NPHP4: variants seen among roughly 807,000 people sequenced by gnomAD.
NPHP4 encodes nephrocystin 4.
NPHP4 carries 151 observed loss-of-function variants against 155.8 expected under a neutral mutation model. The observed-to-expected ratio is 0.97, with a 90% confidence interval of 0.85 to 1.11. The LOEUF is 1.11. Among genes scored for constraint, NPHP4 ranks in the 50% least tolerant of loss-of-function variants. NPHP4 has a pLI of 0.00. For missense variants in NPHP4, 1,956 were observed against 1,925.7 expected (o/e 1.02, Z -0.29); for synonymous variants, 845 against 816.8 (o/e 1.03, Z -0.59).
intron 6 of NPHP4, among the ~76,000 whole-genome samples, chr1:5,953,439 C>T (rs1260874421): frequency 2.0e-5 from 3 of 152,156 alleles, no homozygotes; most frequent in African/African-American, 7.2e-5. Flanking sequence ...ACTCAAAGAA[C>T]ACAGATTGGA....
rs1647209300 is a variant in NPHP4, at chr1:5,948,085, G to A, written c.977C>T (p.Ser326Phe). The change falls in exon 8 of 30, where the codon TCC becomes TTC. Residue 326 changes from serine to phenylalanine, a missense_variant. Physicochemically the swap from Ser to Phe is radical, Grantham distance 155. Transcript: ENST00000378156. ...GAGACAATACCTGGTCTTGGAAGAG[G>A]AGACCACTTTCCTGCTGAAGCTAGC... ...RSASFSRKVV[S>F]SSKTSSGSQA... 6.2e-7 allele frequency: 1 copy of A among 1,613,614 alleles called. No homozygotes were observed. Among genetic ancestry groups the A allele is most frequent in the Non-Finnish European group, 8.5e-7 (1 of 1,179,632 alleles).
intron 16 of NPHP4, among the ~76,000 whole-genome samples, chr1:5,894,049 C>T (rs1437063826): frequency 1.3e-5 from 2 of 152,176 alleles, no homozygotes; most frequent in East Asian, 1.9e-4. Flanking sequence ...TAATGATACT[C>T]ATATATAAAC....
At position 5,933,253 on chromosome 1, in the gene NPHP4, T is replaced by C. The variant is rs117898549; in HGVS notation, c.1196A>G (p.Glu399Gly). The C allele has an allele frequency of 2.6e-4, 414 of 1,613,844 alleles. 4 individuals carry two copies. In the East Asian group the frequency reaches 7.5e-3, roughly 29 times the overall value. ...VRWAVWNPLL[E>G]ADSGRVTLPL... The stretch of plus-strand genomic sequence containing the variant: ...CAGGGTCACCCTTCCAGAATCAGCT[T>C]CCAGCAAGGGGTTCCAAACAGCCCA... Residue 399 changes from glutamate to glycine, a missense_variant, in exon 10 of 30, where the codon GAA becomes GGA. Physicochemically the swap from Glu to Gly is moderately conservative, Grantham distance 98 (BLOSUM62 -2). Coordinates refer to ENST00000378156, the MANE Select transcript of NPHP4 (RefSeq NM_015102.5).
At chr1:5,887,184 G>A (rs1394048663) in intron 18 of NPHP4, 102 bp downstream of exon 18, 1 of 1,106,942 alleles carries the variant, frequency 9.0e-7, no homozygotes, top group African/African-American at 1.6e-5. Flanking sequence ...TTCCTCCTGG[G>A]CCCGTGAAGC....
intron 19 of NPHP4, among the ~76,000 whole-genome samples, chr1:5,879,827 ACACGCAAACACACACAGACACG>A (rs1228867114): frequency 9.2e-6 from 1 of 108,386 alleles, no homozygotes; most frequent in Non-Finnish European, 2.1e-5. Context: ...ACACACACAC[ACACGCAAACACACACAGACACG>A]CACACAGACA....
intron 5 of NPHP4, among the ~76,000 whole-genome samples, chr1:5,963,272 G>A (rs1017266619): frequency 6.6e-6 from 1 of 152,128 alleles, no homozygotes; most frequent in Non-Finnish European, 1.5e-5. Context: ...GTGCATGCCT[G>A]TAATCCCAGT....
intron 3 of NPHP4, among the ~76,000 whole-genome samples, chr1:5,969,788 G>A (rs1246609911): frequency 1.1e-4 from 16 of 152,248 alleles, no homozygotes; most frequent in South Asian, 2.1e-4. Context: ...TGCTTCGTGC[G>A]TAACCATTTT....
Position 5,961,941 on chromosome 1 carries a change from GTC to G in NPHP4, c.524_525del (p.Arg175ThrfsTer6). ...PLLQDPAEQN[R>X]HMTLIENCSL... ...CTGCAGTTCTCAATGAGGGTCATGT[GTC>G]TGTTTTCTGGTGAAGAAAACACAAT... On this transcript the variant is annotated frameshift_variant, in exon 6 of 30. Transcript: ENST00000378156. LOFTEE classifies it high-confidence loss of function. 1 of 1,596,492 alleles carries G rather than the reference GTC, an allele frequency of 6.3e-7. No homozygotes were observed.
chr1:5,879,014 G>A (rs1642908576), intron 19 of NPHP4, among the ~76,000 whole-genome samples: 1 of 152,330 alleles, frequency 6.6e-6, no homozygotes, highest in Non-Finnish European at 1.5e-5. Context: ...AGCTGGCCCA[G>A]AACAACAGAC....
At chr1:5,933,039 T>A (rs1646357062) in intron 10 of NPHP4, 108 bp downstream of exon 10, 2 of 890,760 alleles carry the variant, frequency 2.2e-6, no homozygotes, top group Non-Finnish European at 3.4e-6. Flanking sequence ...ATGAAAAAAA[T>A]TCTGTAAATG....
At chr1:5,991,772 C>A (rs1656352579) in intron 1 of NPHP4, among the ~76,000 whole-genome samples, 1 of 151,758 alleles carries the variant, frequency 6.6e-6, no homozygotes, top group East Asian at 1.9e-4. Flanking sequence ...GGAGCTGGAG[C>A]CGGGGGGCGG....
chr1:5,937,848 G>A (rs1261075462), intron 9 of NPHP4, among the ~76,000 whole-genome samples: 1 of 152,170 alleles, frequency 6.6e-6, no homozygotes, highest in Non-Finnish European at 1.5e-5. Flanking sequence ...AGAAATGTAG[G>A]TCTATAATTA....
intron 8 of NPHP4, among the ~76,000 whole-genome samples, 169 bp from the exon 9 acceptor site, chr1:5,947,399 G>C (rs1432332741): frequency 2.0e-5 from 3 of 152,222 alleles, no homozygotes; most frequent in Non-Finnish European, 4.4e-5. Context: ...AAATGATTCA[G>C]AAATTCCCCA....
At chr1:5,977,596 C>G (rs1653852336) in intron 3 of NPHP4, among the ~76,000 whole-genome samples, 1 of 151,684 alleles carries the variant, frequency 6.6e-6, no homozygotes, top group Admixed American at 6.6e-5. Flanking sequence ...CACCCTGAGC[C>G]TAGCATGATG....
chr1:5,893,842 C>T (rs1156820858), intron 16 of NPHP4, among the ~76,000 whole-genome samples: 1 of 152,212 alleles, frequency 6.6e-6, no homozygotes, highest in Non-Finnish European at 1.5e-5. Flanking sequence ...CAGACGCTGG[C>T]ATTACCTCTA....
intron 10 of NPHP4, 138 bp from the exon 11 acceptor site, chr1:5,927,925 C>A: frequency 2.2e-6 from 2 of 896,940 alleles, no homozygotes; most frequent in Non-Finnish European, 3.4e-6. Flanking sequence ...CACATGTTCT[C>A]AGATTATAAT....
intron 11 of NPHP4, among the ~76,000 whole-genome samples, chr1:5,924,745 C>T (rs775585004): frequency 2.6e-5 from 4 of 152,158 alleles, no homozygotes; most frequent in Non-Finnish European, 4.4e-5. Context: ...GCCTCCATCT[C>T]CCGGGCTCAA....
intron 12 of NPHP4, among the ~76,000 whole-genome samples, chr1:5,908,917 A>C (rs2101225275): frequency 6.6e-6 from 1 of 152,292 alleles, no homozygotes; most frequent in African/African-American, 2.4e-5. Flanking sequence ...CGCCCCATAC[A>C]GCAGCATAGG....
In NPHP4 at chr1:5,927,778, C is replaced by T. The variant is rs746364466; in HGVS notation, c.1312G>A (p.Val438Met). ...ASMSSEEVKQ[V>M]ESGTLRFQFS... ...TGGAACCGGAGTGTACCCGACTCCA[C>T]CTGCTTCACCTGCAATGGACCAGAA... Residue 438 changes from valine (V) to methionine (M), a missense_variant, in exon 11 of 30, where the codon GTG becomes ATG. By Grantham distance (21) the Val-to-Met change is conservative. Transcript: ENST00000378156. The T allele has an allele frequency of 2.9e-5, 47 of 1,609,706 alleles. No individual in the cohort carries two copies. The highest frequency in any genetic ancestry group is 3.9e-5 in the Non-Finnish European group (46 of 1,176,454).
Sources: allele counts gnomAD v4.1 joint callset (sites outside exome capture counted in the v4.1 genomes callset), GRCh38; gene constraint gnomAD v4.1.1; transcripts MANE v1.5; gene names NCBI Gene and HGNC (gene_info 2026-07-23, HGNC 2026-07-21).